The following DCT variants were observed in gnomAD, a reference collection of about 807,000 sequenced individuals.
DCT encodes L-dopachrome tautomerase.
Under a neutral mutation model 53.0 loss-of-function variants are expected in DCT, and 47 were observed. The observed-to-expected ratio is 0.89, with a 90% confidence interval of 0.70 to 1.13. The LOEUF is 1.13. DCT is among the 50% of genes most tolerant of loss of function. The pLI is 0.00. For synonymous variants in DCT, 244 were observed against 237.0 expected, an observed-to-expected ratio of 1.03 and a Z score of -0.27; for missense variants, 669 against 637.4, an observed-to-expected ratio of 1.05 and a Z score of -0.53.
Position 94,439,991 on chromosome 13 carries a change from C to T in DCT, c.1467G>A (p.Leu489=), listed in dbSNP as rs755873522. The change falls in exon 8 of 8, where the codon CTG becomes CTA. Residue 489 remains leucine (L), a synonymous_variant. Coordinates refer to ENST00000377028, the MANE Select transcript of DCT (RefSeq NM_001922.5). ...GTCTTCTATATTGAAGAAAAGCCAA[C>T]AGCACAAAAAGACCAACCAAAGCCA... The part of the protein sequence containing the change: ...TLVALVGLFV[L]LAFLQYRRLR... 1.9e-6 allele frequency: 3 copies of T among 1,613,882 alleles called. No individual in the cohort carries two copies. Among genetic ancestry groups the T allele is most frequent in the Non-Finnish European group, 2.5e-6 (3 of 1,179,906 alleles).
chr13:94,453,845 T>C (rs2139305697), intron 6 of DCT, among the ~76,000 whole-genome samples: 1 of 152,330 alleles, frequency 6.6e-6, no homozygotes, highest in East Asian at 1.9e-4. Context: ...GTAAGTCCAT[T>C]AAACCTCTTT....
At chr13:94,469,972 G>A (rs1007657232) in intron 1 of DCT, among the ~76,000 whole-genome samples, 1 of 152,112 alleles carries the variant, frequency 6.6e-6, no homozygotes, top group Non-Finnish European at 1.5e-5. Flanking sequence ...CTACTGCAGA[G>A]GCTGAGGCAG....
the DCT span, among the ~76,000 whole-genome samples, chr13:94,536,712 A>G: frequency 1.3e-5 from 2 of 152,010 alleles, no homozygotes; most frequent in Non-Finnish European, 2.9e-5. Flanking sequence ...GGAGGCCGAG[A>G]TGGGTAGATC....
chr13:94,506,003 C>A, the DCT span, among the ~76,000 whole-genome samples: 2 of 152,186 alleles, frequency 1.3e-5, no homozygotes, highest in Non-Finnish European at 2.9e-5. Context: ...GAGTTGAGAA[C>A]CAGCTCAGCC....
At chr13:94,496,845 G>C in the DCT span, among the ~76,000 whole-genome samples, 1 of 152,178 alleles carries the variant, frequency 6.6e-6, no homozygotes, top group African/African-American at 2.4e-5. Context: ...ATAGTGTCTA[G>C]TGGGCTGTGA....
At chr13:94,484,949 T>C in the DCT span, among the ~76,000 whole-genome samples, 1 of 152,110 alleles carries the variant, frequency 6.6e-6, no homozygotes, top group Non-Finnish European at 1.5e-5. Context: ...ATTAAATGGG[T>C]GTGATAAGCA....
the DCT span, among the ~76,000 whole-genome samples, chr13:94,484,843 T>C: frequency 6.6e-6 from 1 of 152,180 alleles, no homozygotes; most frequent in African/African-American, 2.4e-5. Flanking sequence ...TGCTGCAAGT[T>C]GGGAATTGAA....
At chr13:94,516,985 C>T in the DCT span, among the ~76,000 whole-genome samples, 2 of 152,138 alleles carry the variant, frequency 1.3e-5, no homozygotes, top group South Asian at 2.1e-4. Context: ...ATTTCAAAAG[C>T]GTGTTCTAAG....
the DCT span, among the ~76,000 whole-genome samples, chr13:94,547,377 A>G: frequency 6.6e-6 from 1 of 151,990 alleles, no homozygotes. Flanking sequence ...TCGGCCTGCC[A>G]AAGTGCTGGG....
At chr13:94,488,745 C>T in the DCT span, among the ~76,000 whole-genome samples, 1,275 of 146,900 alleles carry the variant, frequency 8.7e-3, 25 homozygotes, top group African/African-American at 0.032. Flanking sequence ...CACACACACA[C>T]ACACACACAC....
At chr13:94,458,611 G>A (rs911125294) in intron 6 of DCT, among the ~76,000 whole-genome samples, 3 of 152,004 alleles carry the variant, frequency 2.0e-5, no homozygotes, top group African/African-American at 7.2e-5. Flanking sequence ...AGACCAGTCT[G>A]GCCAATATGG....
the DCT span, among the ~76,000 whole-genome samples, chr13:94,544,853 T>C: frequency 6.6e-6 from 1 of 152,140 alleles, no homozygotes; most frequent in Non-Finnish European, 1.5e-5. Flanking sequence ...TTAATATATG[T>C]ACACATTGAT....
the DCT span, among the ~76,000 whole-genome samples, chr13:94,505,681 C>A: frequency 6.6e-6 from 1 of 152,156 alleles, no homozygotes; most frequent in African/African-American, 2.4e-5. Flanking sequence ...GAGAAAATGG[C>A]AAACATGATG....
At chr13:94,446,903 C>G (rs1427564200) in intron 6 of DCT, among the ~76,000 whole-genome samples, 2 of 152,170 alleles carry the variant, frequency 1.3e-5, no homozygotes, top group Admixed American at 1.3e-4. Context: ...GGGACCTACT[C>G]TACTCCAGTA....
At chr13:94,462,320 C>T (rs918772120) in intron 4 of DCT, 131 bp from the exon 5 acceptor site, 6 of 679,802 alleles carry the variant, frequency 8.8e-6, no homozygotes, top group African/African-American at 7.3e-5. Context: ...CCAGCTATGG[C>T]AAAGCCCCGG....
chr13:94,513,661 CAG>C, the DCT span, among the ~76,000 whole-genome samples: 351 of 152,048 alleles, frequency 2.3e-3, no homozygotes, highest in African/African-American at 8.1e-3. Context: ...ACTCAGTTCC[CAG>C]AGAGTTAGGC....
chr13:94,446,804 A>G (rs1245671736), intron 6 of DCT, among the ~76,000 whole-genome samples: 4 of 151,212 alleles, frequency 2.6e-5, no homozygotes, highest in Admixed American at 6.6e-5. Context: ...GTAGATCTCT[A>G]TCTTCATCCT....
intron 6 of DCT, among the ~76,000 whole-genome samples, chr13:94,450,228 C>A (rs1882987634): frequency 6.6e-6 from 1 of 152,120 alleles, no homozygotes. Context: ...GCCTCCAGAA[C>A]TGTGAGAAAT....
the DCT span, among the ~76,000 whole-genome samples, chr13:94,540,056 A>T: frequency 6.6e-6 from 1 of 152,110 alleles, no homozygotes; most frequent in Non-Finnish European, 1.5e-5. Context: ...ACTCTTTTTC[A>T]TTGTGTACTT....
Sources: allele counts gnomAD v4.1 joint callset (sites outside exome capture counted in the v4.1 genomes callset), GRCh38; gene constraint gnomAD v4.1.1; transcripts MANE v1.5; gene names NCBI Gene and HGNC (gene_info 2026-07-23, HGNC 2026-07-21).